Variants in PHACTR2 observed in about 807,000 individuals in gnomAD.
PHACTR2 encodes phosphatase and actin regulator 2, also known as chromosome 6 open reading frame 56.
A neutral mutation model predicts 76.0 loss-of-function variants in PHACTR2; 30 were observed. That is an observed-to-expected ratio of 0.39 (90% confidence interval 0.30 to 0.54). PHACTR2 has a LOEUF of 0.54. Among genes scored for constraint, PHACTR2 ranks in the 20% least tolerant of loss-of-function variants. The probability of loss-of-function intolerance (pLI) is 0.61; values close to 1 mark genes in which losing one functional copy is unlikely to be tolerated. For synonymous variants in PHACTR2, 292 were observed against 292.5 expected (o/e 1.00, Z 0.02); for missense variants, 696 against 781.1 (o/e 0.89, Z 1.30).
Position 143,653,506 on chromosome 6 carries a change from C to A in PHACTR2, c.13+45184C>A, listed in dbSNP as rs375949472. Among the ~76,000 whole-genome samples, 3 of 152,016 alleles carry A rather than the reference C, an allele frequency of 2.0e-5. No homozygotes were observed. The South Asian group carries it at 6.2e-4, about 32-fold the overall frequency. On this transcript the variant is annotated intron_variant, in intron 1 of 11. Transcript: ENST00000305766. The surrounding 1 kb of genome is among the most constrained non-coding windows in gnomAD (Gnocchi z 4.9). The stretch of plus-strand genomic sequence containing the variant: ...GCTTCCCACATGCAAAGTTTATTTT[C>A]GGAGAGTAGTTTATATATGGAATAA...
At position 143,767,182 on chromosome 6, in the gene PHACTR2, A is replaced by G. The variant is rs762622046; in HGVS notation, c.1232+1384A>G. ...TCATTTTATTTACACAAGTCTTCCCAAAAGTATCCCTGTTTTATAGATAAG... is the reference window on the plus strand; with the variant it reads ...TCATTTTATTTACACAAGTCTTCCCGAAAGTATCCCTGTTTTATAGATAAG... On this transcript the variant is annotated intron_variant, in intron 6 of 12. Coordinates refer to ENST00000440869, the MANE Select transcript of PHACTR2 (RefSeq NM_001100164.2). The surrounding 1 kb of genome is among the most constrained non-coding windows in gnomAD (Gnocchi z 4.4). Among the ~76,000 whole-genome samples, 5 of 152,228 alleles carry G rather than the reference A, an allele frequency of 3.3e-5. No homozygotes were observed. Among genetic ancestry groups the G allele is most frequent in the Non-Finnish European group, 5.9e-5 (4 of 68,044 alleles).
intron 1 of PHACTR2, among the ~76,000 whole-genome samples, chr6:143,657,675 T>C (rs571681022): frequency 2.6e-5 from 4 of 152,296 alleles, no homozygotes; most frequent in South Asian, 2.1e-4. Context: ...GATTGGGGAA[T>C]AGAGCTGTGA....
intron 12 of PHACTR2, chr6:143,810,492 A>G (rs1776152389): frequency 2.3e-6 from 1 of 436,990 alleles, no homozygotes; most frequent in South Asian, 1.6e-5. Context: ...ATGAACAATA[A>G]TACCCCATTT....
rs1776425080 is a variant in PHACTR2 at position 143,821,824 on chromosome 6, C to G, written c.1923-1850C>G. On this transcript the variant is annotated intron_variant, in intron 12 of 12. Coordinates refer to ENST00000440869, the MANE Select transcript of PHACTR2 (RefSeq NM_001100164.2). This position sits in a 1 kb window ranked among gnomAD's most constrained non-coding sequence, Gnocchi z 5.2. ...TGAGCAACATAGCAAAACCCCATTT[C>G]TACTAAAAATACAAATATTAGCTGG... is the stretch of plus-strand genomic sequence containing the variant. 6.6e-6 allele frequency among the ~76,000 whole-genome samples: 1 copy of G among 152,180 alleles called. No homozygotes were observed. The highest frequency in any genetic ancestry group is 6.5e-5 in the Admixed American group (1 of 15,278).
chr6:143,660,613 A>G (rs1157126733), intron 1 of PHACTR2, among the ~76,000 whole-genome samples: 2 of 152,250 alleles, frequency 1.3e-5, no homozygotes, highest in Non-Finnish European at 2.9e-5. Flanking sequence ...ACAAATACCT[A>G]CTGAGCACTT....
rs1347498933 is a variant in PHACTR2 at position 143,820,419 on chromosome 6, G to A, written c.1923-3255G>A. ...CCAAGATATGGTGGAGATCTATACTGGGTAAACATTCCCGTTCCCAAAGGG... is the reference window on the plus strand; with the variant it reads ...CCAAGATATGGTGGAGATCTATACTAGGTAAACATTCCCGTTCCCAAAGGG... On this transcript the variant is annotated intron_variant, in intron 12 of 12. Coordinates refer to ENST00000440869, the MANE Select transcript of PHACTR2 (RefSeq NM_001100164.2). This position sits in a 1 kb window ranked among gnomAD's most constrained non-coding sequence, Gnocchi z 4.2. Among the ~76,000 whole-genome samples, 4 of 152,192 alleles carry A rather than the reference G, an allele frequency of 2.6e-5. No individual in the cohort carries two copies. In the South Asian group the frequency reaches 8.3e-4, roughly 32 times the overall value.
At position 143,709,989 on chromosome 6, in the gene PHACTR2, G is replaced by A. The variant is rs747994969; in HGVS notation, c.47-2027G>A. ...TCCTTTTCAGAGCCTCATGAGGGTG[G>A]AAATCTAGTAACTCCATTCAGCCTT... On this transcript the variant is annotated intron_variant, in intron 1 of 12. Transcript: ENST00000440869. This position sits in a 1 kb window ranked among gnomAD's most constrained non-coding sequence, Gnocchi z 4.4. Among the ~76,000 whole-genome samples, 2 of 152,142 alleles carry A rather than the reference G, an allele frequency of 1.3e-5. No individual in the cohort carries two copies. Among genetic ancestry groups the A allele is most frequent in the Non-Finnish European group, 2.9e-5 (2 of 68,024 alleles).
rs890522750 is a variant in PHACTR2, at chr6:143,678,240, G to T, written c.46+31G>T. 11 of 1,460,554 alleles carry T rather than the reference G, an allele frequency of 7.5e-6. No individual in the cohort carries two copies. Among genetic ancestry groups the T allele is most frequent in the Non-Finnish European group, 9.0e-6 (10 of 1,107,576 alleles). 90.5% of individuals were successfully genotyped at this position (1,460,554 alleles called of 1,614,324 possible). ...TCCGGGGCGCACGCGATGCGCTCCC[G>T]CCGCGCGGGCGCAGGGCTGGCGGCG... On this transcript the variant is annotated intron_variant, in intron 1 of 12. Transcript: ENST00000440869. This position sits in a 1 kb window ranked among gnomAD's most constrained non-coding sequence, Gnocchi z 6.2.
rs1172871941 is a variant in PHACTR2, at chr6:143,627,542, C to T, written c.13+19220C>T. Among the ~76,000 whole-genome samples, 1 of 151,434 alleles carries T rather than the reference C, an allele frequency of 6.6e-6. No homozygotes were observed. The highest frequency in any genetic ancestry group is 2.4e-5 in the African/African-American group (1 of 41,260). The stretch of plus-strand genomic sequence containing the variant: ...TGAGATTCGCATGACATAAAATTAA[C>T]TATTTTGAAGTGTCCAATTCAGTGG... On this transcript the variant is annotated intron_variant, in intron 1 of 11. Transcript: ENST00000305766. The surrounding 1 kb of genome is among the most constrained non-coding windows in gnomAD (Gnocchi z 4.3).
intron 11 of PHACTR2, among the ~76,000 whole-genome samples, chr6:143,804,916 A>G (rs1008744515): frequency 1.3e-5 from 2 of 152,234 alleles, no homozygotes; most frequent in Non-Finnish European, 2.9e-5. Flanking sequence ...TTGACTCTAC[A>G]GTGTACAAAG....
chr6:143,673,976 T>C (rs1777199485), upstream of PHACTR2, among the ~76,000 whole-genome samples: 2 of 152,190 alleles, frequency 1.3e-5, no homozygotes, highest in African/African-American at 2.4e-5. Context: ...CTAATACTTG[T>C]GGAATGTGGT....
chr6:143,685,620 A>G (rs545175905), intron 1 of PHACTR2, among the ~76,000 whole-genome samples: 125 of 150,770 alleles, frequency 8.3e-4, no homozygotes, highest in African/African-American at 2.9e-3. Context: ...AAACTTGCCT[A>G]TGTTACCTGA....
intron 1 of PHACTR2, among the ~76,000 whole-genome samples, chr6:143,686,045 T>C (rs1425419889): frequency 1.3e-5 from 2 of 151,716 alleles, no homozygotes; most frequent in Admixed American, 6.6e-5. Context: ...GACAGGAGAA[T>C]TGCTTGAACT....
At chr6:143,771,089 C>T (rs1311914142) in intron 6 of PHACTR2, among the ~76,000 whole-genome samples, 1 of 136,260 alleles carries the variant, frequency 7.3e-6, no homozygotes, top group Non-Finnish European at 1.6e-5. Context: ...TTACTATTTA[C>T]ATATTGGGAT....
At chr6:143,577,345 CAT>C (rs1775526682) in intron 1 of PHACTR2, among the ~76,000 whole-genome samples, 2 of 152,230 alleles carry the variant, frequency 1.3e-5, no homozygotes, top group South Asian at 4.1e-4. Context: ...TATCACCTAA[CAT>C]AGGGAAATAA....
At chr6:143,542,305 G>T (rs537347034) in intron 1 of PHACTR2, among the ~76,000 whole-genome samples, 1 of 152,294 alleles carries the variant, frequency 6.6e-6, no homozygotes, top group Admixed American at 6.5e-5. Context: ...CGCCGGTCAG[G>T]CTTCATTCCA....
At chr6:143,716,413 T>C (rs1357196735) in intron 2 of PHACTR2, among the ~76,000 whole-genome samples, 2 of 151,894 alleles carry the variant, frequency 1.3e-5, no homozygotes, top group Non-Finnish European at 2.9e-5. Flanking sequence ...GCAGCCTCAA[T>C]CTCCTGGCTT....
rs1341464385 is a variant in PHACTR2 at position 143,791,472 on chromosome 6, C to T, written c.1845+2562C>T. Among the ~76,000 whole-genome samples, 1 of 152,178 alleles carries T rather than the reference C, an allele frequency of 6.6e-6. No homozygotes were observed. The highest frequency in any genetic ancestry group is 2.1e-4 in the South Asian group (1 of 4,834). ...GTCCCATCTCCAGAGATGCTGATCT[C>T]ATTGGTCTGGGATGTGGCCTTCATA... On this transcript the variant is annotated intron_variant, in intron 11 of 12. Coordinates refer to ENST00000440869, the MANE Select transcript of PHACTR2 (RefSeq NM_001100164.2). This position sits in a 1 kb window ranked among gnomAD's most constrained non-coding sequence, Gnocchi z 4.7.
chr6:143,538,659 C>G (rs961477077), intron 1 of PHACTR2, among the ~76,000 whole-genome samples: 1 of 152,178 alleles, frequency 6.6e-6, no homozygotes, highest in Non-Finnish European at 1.5e-5. Flanking sequence ...GCTTCCTGTT[C>G]AAAAAAGCAC....
Sources: allele counts gnomAD v4.1 joint callset (sites outside exome capture counted in the v4.1 genomes callset), GRCh38; gene constraint gnomAD v4.1.1; non-coding constraint Gnocchi (gnomAD v3.1); transcripts MANE v1.5; gene names NCBI Gene and HGNC (gene_info 2026-07-23, HGNC 2026-07-21).